Variants in ACSBG2 observed in about 807,000 individuals in gnomAD.
ACSBG2 encodes long-chain-fatty-acid--CoA ligase ACSBG2.
Under a neutral mutation model 74.7 loss-of-function variants are expected in ACSBG2, and 62 were observed. The observed-to-expected ratio is 0.83, with a 90% CI of 0.68 to 1.03. The LOEUF (loss-of-function observed/expected upper bound fraction) is 1.03, where lower values mean the gene tolerates loss of function less well. Among genes scored for constraint, ACSBG2 ranks in the 50% least tolerant of loss-of-function variants. ACSBG2 has a pLI of 0.00. For missense variants in ACSBG2, 730 were observed against 817.6 expected (o/e 0.89, Z 1.31); for synonymous variants, 309 against 294.1 (o/e 1.05, Z -0.52).
chr19:6,172,352 GC>G (rs1469268750), intron 7 of ACSBG2, among the ~76,000 whole-genome samples: 1 of 152,118 alleles, frequency 6.6e-6, no homozygotes, highest in Admixed American at 6.6e-5. Flanking sequence ...TTTGGATGGG[GC>G]TTTTGTATTT....
chr19:6,169,147 GTTAA>G (rs1319117065), intron 7 of ACSBG2, among the ~76,000 whole-genome samples: 4 of 152,190 alleles, frequency 2.6e-5, no homozygotes, highest in Non-Finnish European at 5.9e-5. Context: ...TCTTTACTCT[GTTAA>G]TTGTTTCTTT....
intron 7 of ACSBG2, among the ~76,000 whole-genome samples, chr19:6,176,892 C>T (rs1358177541): frequency 6.6e-6 from 1 of 152,062 alleles, no homozygotes; most frequent in Non-Finnish European, 1.5e-5. Flanking sequence ...CATGGTCGCT[C>T]ACATCTGTAA....
chr19:6,161,189 G>A, intron 5 of ACSBG2, 26 bp from the exon 6 acceptor site: 1 of 1,605,678 alleles, frequency 6.2e-7, no homozygotes, highest in East Asian at 2.2e-5. Flanking sequence ...GGGTTGCCAT[G>A]AAGCCCACAG....
chr19:6,139,974 A>G (rs2144986707), intron 1 of ACSBG2, among the ~76,000 whole-genome samples: 1 of 152,266 alleles, frequency 6.6e-6, no homozygotes, highest in South Asian at 2.1e-4. Context: ...CTGTCATCCC[A>G]GTACTTTGGG....
chr19:6,165,280 C>T (rs1016223090), intron 6 of ACSBG2, among the ~76,000 whole-genome samples: 1 of 152,224 alleles, frequency 6.6e-6, no homozygotes, highest in African/African-American at 2.4e-5. Context: ...GACTCATTCA[C>T]ATACACAGTC....
At chr19:6,149,487 T>C (rs1418315101) in intron 3 of ACSBG2, among the ~76,000 whole-genome samples, 1 of 149,510 alleles carries the variant, frequency 6.7e-6, no homozygotes, top group East Asian at 2.0e-4. Context: ...AACAAGTCTG[T>C]ACCTTTACAT....
At position 6,165,904 on chromosome 19, in the gene ACSBG2, C is replaced by T; in HGVS notation, c.627C>T (p.Asp209=). ...DFMELGRSIP[D]TQLEQVIESQ... ...TGGAACTTGGCAGAAGTATCCCTGA[C>T]ACCCAACTGGAGCAGGTCATCGAGA... Residue 209 remains aspartate, a synonymous_variant, in exon 7 of 15, where the codon GAC becomes GAT. Coordinates refer to ENST00000588485, the MANE Select transcript of ACSBG2 (RefSeq NM_030924.5). 17 of 1,614,192 alleles carry T rather than the reference C, an allele frequency of 1.1e-5. No individual in the cohort carries two copies. Among genetic ancestry groups the T allele is most frequent in the Non-Finnish European group, 1.4e-5 (17 of 1,180,018 alleles).
chr19:6,147,803 T>C, intron 3 of ACSBG2, 128 bp downstream of exon 3: 3 of 970,922 alleles, frequency 3.1e-6, no homozygotes, highest in Non-Finnish European at 1.5e-6. Flanking sequence ...AAAATTTCCC[T>C]CTGATTCATG....
intron 7 of ACSBG2, chr19:6,176,514 A>C: frequency 1.6e-6 from 1 of 618,824 alleles, no homozygotes; most frequent in Non-Finnish European, 2.4e-6. Flanking sequence ...ACACACACGC[A>C]CTCAGCCAGA....
intron 6 of ACSBG2, among the ~76,000 whole-genome samples, chr19:6,162,885 G>A (rs1310366668): frequency 2.0e-5 from 3 of 151,760 alleles, no homozygotes; most frequent in South Asian, 2.1e-4. Flanking sequence ...GAGGGTGGGC[G>A]GTGGTGGAGT....
chr19:6,184,932 T>C lies in ACSBG2; in HGVS notation c.1323-504T>C, dbSNP rs553064349. ...TCATTTTTTGTTTTTGTTTTTGTTT[T>C]TGTTTTTTGAGACAGAGTCTTGCTC... On this transcript the variant is annotated intron_variant, in intron 10 of 14. Transcript: ENST00000588485. 4.1e-4 allele frequency among the ~76,000 whole-genome samples: 61 copies of C among 150,094 alleles called. No homozygotes were observed. The South Asian group carries it at 0.011, about 26-fold the overall frequency.
chr19:6,147,825 CTCAGT>C (rs2089091525), intron 3 of ACSBG2, 150 bp downstream of exon 3: 1 of 744,636 alleles, frequency 1.3e-6, no homozygotes, highest in African/African-American at 1.8e-5. Flanking sequence ...GCCTCAGCCA[CTCAGT>C]TCCTCTCTGT....
rs1568262423 is a variant in ACSBG2 at position 6,190,850 on chromosome 19, C to CAT, written c.*35+159_*35+160insTA. On this transcript the variant is annotated intron_variant, in intron 14 of 14. Coordinates refer to ENST00000588485, the MANE Select transcript of ACSBG2 (RefSeq NM_030924.5). The stretch of plus-strand genomic sequence containing the variant: ...ACACACACACACACACACACACACA[C>CAT]ACTCTTAGTTGCAGTGGATTCTGAG... 4.5e-5 allele frequency: 25 copies of CAT among 553,998 alleles called. No individual in the cohort carries two copies. The Admixed American group carries it at 6.6e-4, about 15-fold the overall frequency. The allele number at this position is 553,998 out of a possible 1,614,324, so 34.3% of individuals were successfully genotyped here.
chr19:6,187,068 G>C (rs2090429117), intron 11 of ACSBG2, among the ~76,000 whole-genome samples: 1 of 146,714 alleles, frequency 6.8e-6, no homozygotes, highest in South Asian at 2.2e-4. Flanking sequence ...GCGGTGGCAT[G>C]ATCTCAGCTC....
intron 1 of ACSBG2, among the ~76,000 whole-genome samples, chr19:6,136,295 C>T (rs1444360439): frequency 6.6e-6 from 1 of 151,950 alleles, no homozygotes; most frequent in South Asian, 2.1e-4. Context: ...GGTTTCACCA[C>T]ATTAGCCAGG....
chr19:6,168,118 C>T (rs888869637), intron 7 of ACSBG2, among the ~76,000 whole-genome samples: 3 of 152,096 alleles, frequency 2.0e-5, no homozygotes, highest in Non-Finnish European at 4.4e-5. Flanking sequence ...CTGAGGCCCA[C>T]AAGGCACTGC....
At chr19:6,149,706 T>C (rs57056751) in intron 3 of ACSBG2, among the ~76,000 whole-genome samples, 112,583 of 151,472 alleles carry the variant, frequency 0.74, 42,254 homozygotes, top group African/African-American at 0.83. Flanking sequence ...CGGGGTTTCA[T>C]CTTGTGGGCC....
In ACSBG2 at chr19:6,176,715, T is replaced by G. The variant is rs570835918; in HGVS notation, c.739-514T>G. 9.2e-5 allele frequency among the ~76,000 whole-genome samples: 14 copies of G among 151,962 alleles called. No homozygotes were observed. In the East Asian group the frequency reaches 2.5e-3, roughly 28 times the overall value. ...ATTTTTTGGGTGAAGCTCCAAAAAT[T>G]TTGGGAGAATTATAGTTACCAACCC... is the stretch of plus-strand genomic sequence containing the variant. On this transcript the variant is annotated intron_variant, in intron 7 of 14. Coordinates refer to ENST00000588485, the MANE Select transcript of ACSBG2 (RefSeq NM_030924.5).
In ACSBG2 at chr19:6,185,526, C is replaced by A. The variant is rs772765271; in HGVS notation, c.1413C>A (p.Ile471=). 3.1e-6 allele frequency: 5 copies of A among 1,614,080 alleles called. No homozygotes were observed. The highest frequency in any genetic ancestry group is 3.3e-5 in the Admixed American group (2 of 60,006). The part of the protein sequence containing the change: ...IGEICLWGRH[I]FMGYLESETE... ...AGATCTGCCTCTGGGGTAGGCACAT[C>A]TTCATGGGCTATCTGGAAAGTGAGA... The change falls in exon 11 of 15, where the codon ATC becomes ATA. Residue 471 remains isoleucine, a synonymous_variant. Transcript: ENST00000588485.
Sources: gnomAD v4.1 joint callset for allele counts (sites outside exome capture counted in the v4.1 genomes callset) on GRCh38, gnomAD v4.1.1 for gene constraint, MANE v1.5 for transcripts, NCBI Gene and HGNC (gene_info 2026-07-23, HGNC 2026-07-21) for gene names.